The following PCDHGA6 variants were observed in gnomAD, a reference collection of about 807,000 sequenced individuals.
PCDHGA6 encodes the protein protocadherin gamma-A6.
Under a neutral mutation model 60.6 loss-of-function variants are expected in PCDHGA6, and 41 were observed. The observed-to-expected ratio is 0.68, with a 90% CI of 0.53 to 0.88. The LOEUF (loss-of-function observed/expected upper bound fraction) is 0.88, where lower values mean the gene tolerates loss of function less well. Ranked by LOEUF, PCDHGA6 falls within the 40% of genes least tolerant of loss-of-function variation. The probability of loss-of-function intolerance (pLI) is 0.00; values close to 1 mark genes in which losing one functional copy is unlikely to be tolerated. For synonymous variants in PCDHGA6, 594 were observed against 524.4 expected (o/e 1.13, Z -1.81); for missense variants, 1,312 against 1,203.0 (o/e 1.09, Z -1.34).
chr5:141,433,236 C>G, intron 1 of PCDHGA6: 2 of 1,501,160 alleles, frequency 1.3e-6, no homozygotes, highest in South Asian at 1.3e-5. Flanking sequence ...CTCTGTCTCC[C>G]AAGCTGGAAT....
In PCDHGA6 at chr5:141,388,651, A is replaced by G. The variant is rs186708822; in HGVS notation, c.2424+12144A>G. ...AGGGTGAGCCTTTCAGAAAACGTGT[A>G]CCCGGGGACCACGGTGCTACAGGTG... On this transcript the variant is annotated intron_variant, in intron 1 of 3. Transcript: ENST00000517434. 300 of 1,613,838 alleles carry G rather than the reference A, an allele frequency of 1.9e-4. 1 individual carries two copies. Among genetic ancestry groups the G allele is most frequent in the Admixed American group, 9.7e-4 (58 of 60,020 alleles).
Position 141,427,760 on chromosome 5 carries a change from T to C in PCDHGA6, c.2424+51253T>C, listed in dbSNP as rs1464459008. On this transcript the variant is annotated intron_variant, in intron 1 of 3. Coordinates refer to ENST00000517434, the MANE Select transcript of PCDHGA6 (RefSeq NM_018919.3). The stretch of plus-strand genomic sequence containing the variant: ...AAGTCTCCTACTCCATCGTTACCAC[T>C]GACTTGGAGCTGCGGGCACTGTCGT... The C allele has an allele frequency of 4.4e-6, 6 of 1,360,822 alleles. No individual in the cohort carries two copies. The Admixed American group carries it at 5.1e-5, about 12-fold the overall frequency. 84.3% of individuals were successfully genotyped at this position (1,360,822 alleles called of 1,614,324 possible).
In PCDHGA6 at chr5:141,432,129, A is replaced by T. The variant is rs758099753; in HGVS notation, c.2424+55622A>T. The T allele has an allele frequency of 6.2e-6, 10 of 1,614,054 alleles. No individual in the cohort carries two copies. In the South Asian group the frequency reaches 8.8e-5, roughly 14 times the overall value. On this transcript the variant is annotated intron_variant, in intron 1 of 3. Transcript: ENST00000517434. This position sits in a 1 kb window ranked among gnomAD's most constrained non-coding sequence, Gnocchi z 6.0. ...CCGCCGGTCTTCCCTCAGGCCTCCTATTCCGCTTATATCCCAGAGAACAAT... is the reference window on the plus strand; with the variant it reads ...CCGCCGGTCTTCCCTCAGGCCTCCTTTTCCGCTTATATCCCAGAGAACAAT...
intron 1 of PCDHGA6, among the ~76,000 whole-genome samples, chr5:141,381,826 CTTTTTTTTTTTTTT>C (rs770630741): frequency 1.3e-5 from 1 of 74,284 alleles, no homozygotes; most frequent in Non-Finnish European, 2.4e-5. Context: ...CTTTCTTCTT[CTTTTTTTTTTTTTT>C]TTTTTTTTGG....
chr5:141,467,055 CTTT>C (rs1193465269), intron 1 of PCDHGA6, among the ~76,000 whole-genome samples: 5 of 134,460 alleles, frequency 3.7e-5, no homozygotes, highest in Admixed American at 7.5e-5. Context: ...TCAATGTTTT[CTTT>C]TTTTTTTTTT....
Position 141,510,980 on chromosome 5 carries a change from G to C in PCDHGA6, c.2606G>C (p.Gly869Ala), listed in dbSNP as rs1466168256. 12 of 1,614,170 alleles carry C rather than the reference G, an allele frequency of 7.4e-6. No individual in the cohort carries two copies. The highest frequency in any genetic ancestry group is 9.3e-6 in the Non-Finnish European group (11 of 1,180,014). ...AADGSSTLGG[G>A]AGTMGLSARY... ...GATGGGAGCTCCACCCTGGGAGGGG[G>C]TGCCGGCACCATGGGATTGAGCGCC... is the stretch of plus-strand genomic sequence containing the variant. Residue 869 changes from glycine (G) to alanine (A), a missense_variant, in exon 4 of 4, where the codon GGT becomes GCT. By Grantham distance (60) the Gly-to-Ala change is moderately conservative (BLOSUM62 0). Transcript: ENST00000517434.
At chr5:141,388,457 C>A in intron 1 of PCDHGA6, 1 of 1,613,814 alleles carries the variant, frequency 6.2e-7, no homozygotes, top group Non-Finnish European at 8.5e-7. Flanking sequence ...GCAGTAAATA[C>A]CCTGAGATGG....
intron 1 of PCDHGA6, among the ~76,000 whole-genome samples, chr5:141,380,921 T>G (rs1014548780): frequency 6.6e-6 from 1 of 152,238 alleles, no homozygotes; most frequent in African/African-American, 2.4e-5. Flanking sequence ...CATTGTTTAA[T>G]AATCATACAC....
intron 1 of PCDHGA6, chr5:141,426,449 G>A (rs1449929836): frequency 1.6e-5 from 5 of 307,646 alleles, no homozygotes; most frequent in East Asian, 8.0e-5. Flanking sequence ...GAGGACATGC[G>A]GCTGCATGTT....
At chr5:141,462,813 TTGG>T (rs1474162732) in intron 1 of PCDHGA6, among the ~76,000 whole-genome samples, 1 of 152,198 alleles carries the variant, frequency 6.6e-6, no homozygotes, top group African/African-American at 2.4e-5. Flanking sequence ...AATGTTTTTA[TTGG>T]ACAGCAGACA....
intron 1 of PCDHGA6, chr5:141,393,374 T>G (rs11575958): frequency 0.026 from 42,476 of 1,613,728 alleles, 744 homozygotes; most frequent in East Asian, 0.04. Flanking sequence ...CTGGAGACAA[T>G]GGAGCCATAA....
chr5:141,392,194 T>C (rs1486735796), intron 1 of PCDHGA6: 1 of 152,238 alleles, frequency 6.6e-6, no homozygotes, highest in East Asian at 1.9e-4. Context: ...TCTATTTTAG[T>C]CTCAAGATAA....
At chr5:141,415,026 G>A in intron 1 of PCDHGA6, 1 of 1,613,590 alleles carries the variant, frequency 6.2e-7, no homozygotes, top group Non-Finnish European at 8.5e-7. Flanking sequence ...AGGCCAGCGA[G>A]CCGGGACTCT....
chr5:141,432,808 C>T lies in PCDHGA6; in HGVS notation c.2424+56301C>T, dbSNP rs1473886709. ...TCGGCAGCCTCGAGTCTCCAGCTAA[C>T]TCTGAAACCTCAGACCTCACTCTGT... On this transcript the variant is annotated intron_variant, in intron 1 of 3. Transcript: ENST00000517434. This position sits in a 1 kb window ranked among gnomAD's most constrained non-coding sequence, Gnocchi z 6.0. 6.2e-7 allele frequency: 1 copy of T among 1,613,486 alleles called. No homozygotes were observed. Among genetic ancestry groups the T allele is most frequent in the African/African-American group, 1.3e-5 (1 of 74,426 alleles).
At chr5:141,433,207 TC>T (rs780557883) in intron 1 of PCDHGA6, 10 of 1,568,868 alleles carry the variant, frequency 6.4e-6, no homozygotes, top group African/African-American at 1.4e-5. Flanking sequence ...AAATCTTCTT[TC>T]TTTTTTTTTT....
chr5:141,492,487 C>T (rs1031047955), intron 1 of PCDHGA6, among the ~76,000 whole-genome samples: 1 of 152,222 alleles, frequency 6.6e-6, no homozygotes, highest in Non-Finnish European at 1.5e-5. Context: ...CGCCCAGGAC[C>T]AGGCGAGGAC....
At position 141,436,830 on chromosome 5, in the gene PCDHGA6, T is replaced by C. The variant is rs1054296892; in HGVS notation, c.2425-57977T>C. On this transcript the variant is annotated intron_variant, in intron 1 of 3. Coordinates refer to ENST00000517434, the MANE Select transcript of PCDHGA6 (RefSeq NM_018919.3). ...TGACAGCTGGTTTAAAAATCTTAAGTGCCTAGGCACATTCTTGATTGAGAA... is the reference window on the plus strand; with the variant it reads ...TGACAGCTGGTTTAAAAATCTTAAGCGCCTAGGCACATTCTTGATTGAGAA... Among the ~76,000 whole-genome samples, 37 of 152,252 alleles carry C rather than the reference T, an allele frequency of 2.4e-4. 1 individual carries two copies.
Position 141,408,292 on chromosome 5 carries a change from T to C in PCDHGA6, c.2424+31785T>C, listed in dbSNP as rs752767472. On this transcript the variant is annotated intron_variant, in intron 1 of 3. Coordinates refer to ENST00000517434, the MANE Select transcript of PCDHGA6 (RefSeq NM_018919.3). ...TGCCTTTGTTCTACCCCACCCTGAGTGAGCCGATCCGCTACTCGATTCCGG... is the reference window on the plus strand; with the variant it reads ...TGCCTTTGTTCTACCCCACCCTGAGCGAGCCGATCCGCTACTCGATTCCGG... The C allele has an allele frequency of 5.0e-6, 8 of 1,613,504 alleles. No homozygotes were observed. The South Asian group carries it at 8.8e-5, about 18-fold the overall frequency.
chr5:141,465,490 G>A (rs917234604), intron 1 of PCDHGA6, among the ~76,000 whole-genome samples: 9 of 152,170 alleles, frequency 5.9e-5, no homozygotes, highest in East Asian at 1.9e-4. Flanking sequence ...AGGAATGAGC[G>A]GGAGCATTGT....
Sources: allele counts gnomAD v4.1 joint callset (sites outside exome capture counted in the v4.1 genomes callset), GRCh38; gene constraint gnomAD v4.1.1; non-coding constraint Gnocchi (gnomAD v3.1); transcripts MANE v1.5; gene names NCBI Gene and HGNC (gene_info 2026-07-23, HGNC 2026-07-21).